RBSN: variants seen among roughly 807,000 people sequenced by gnomAD.
RBSN encodes the protein rabenosyn-5.
A neutral mutation model predicts 60.5 loss-of-function variants in RBSN; 34 were observed. That is an observed-to-expected ratio of 0.56 (90% CI 0.43 to 0.75). RBSN has a LOEUF of 0.75. Among genes scored for constraint, RBSN ranks in the 30% least tolerant of loss-of-function variants. The pLI is 0.00. For missense variants in RBSN, 845 were observed against 986.8 expected (o/e 0.86, Z 1.92); for synonymous variants, 322 against 366.9 (o/e 0.88, Z 1.40).
chr3:15,075,147 A>G (rs2043022623), intron 13 of RBSN: 9 of 613,384 alleles, frequency 1.5e-5, no homozygotes, highest in Non-Finnish European at 2.3e-5. Flanking sequence ...ATAATGAATA[A>G]GTTAGGGCAT....
chr3:15,087,933 C>G (rs1006788525), intron 5 of RBSN, among the ~76,000 whole-genome samples: 1 of 152,110 alleles, frequency 6.6e-6, no homozygotes, highest in African/African-American at 2.4e-5. Context: ...ATGCTATACT[C>G]TTAACCATCC....
At chr3:15,089,456 CAA>C (rs757156425) in intron 5 of RBSN, among the ~76,000 whole-genome samples, 1 of 31,448 alleles carries the variant, frequency 3.2e-5, no homozygotes, top group East Asian at 1.3e-3. Flanking sequence ...ACTCCATCTC[CAA>C]AAAAAAAAAA....
At chr3:15,090,377 A>G (rs1349781123) in intron 5 of RBSN, 22 bp downstream of exon 5, 1 of 1,611,006 alleles carries the variant, frequency 6.2e-7, no homozygotes, top group Non-Finnish European at 8.5e-7. Flanking sequence ...CACTTGCTGA[A>G]TGAATAAATG....
intron 5 of RBSN, 111 bp downstream of exon 5, chr3:15,090,288 C>T: frequency 8.3e-7 from 1 of 1,210,436 alleles, no homozygotes; most frequent in Non-Finnish European, 1.2e-6. Flanking sequence ...CCATGAGAAG[C>T]TTAGACCATT....
chr3:15,084,712 G>T lies in RBSN; in HGVS notation c.598+23C>A. 1 of 1,565,922 alleles carries T rather than the reference G, an allele frequency of 6.4e-7. No individual in the cohort carries two copies. Among genetic ancestry groups the T allele is most frequent in the Non-Finnish European group, 8.6e-7 (1 of 1,157,284 alleles). On this transcript the variant is annotated intron_variant, in intron 8 of 13. Coordinates refer to ENST00000253699, the MANE Select transcript of RBSN (RefSeq NM_022340.4). The surrounding 1 kb of genome is among the most constrained non-coding windows in gnomAD (Gnocchi z 4.2). ...GGCCCAAAAGAAGATGAGGGTCCAGGGCCCCACCTCCAAGTCACCTACTTG... is the reference window on the plus strand; with the variant it reads ...GGCCCAAAAGAAGATGAGGGTCCAGTGCCCCACCTCCAAGTCACCTACTTG...
chr3:15,094,191 T>C (rs931983819), intron 4 of RBSN, among the ~76,000 whole-genome samples: 4 of 152,228 alleles, frequency 2.6e-5, no homozygotes, highest in African/African-American at 7.2e-5. Flanking sequence ...GGTTGAGCAA[T>C]GGCATTGTAT....
intron 8 of RBSN, among the ~76,000 whole-genome samples, chr3:15,083,814 T>G (rs2043268260): frequency 6.6e-6 from 1 of 152,144 alleles, no homozygotes; most frequent in Non-Finnish European, 1.5e-5. Flanking sequence ...AGCCCACTGC[T>G]TATATTCAAG....
chr3:15,073,640 A>T lies in RBSN; in HGVS notation c.*142T>A. The T allele has an allele frequency of 1.2e-6, 1 of 825,198 alleles. No homozygotes were observed. Among genetic ancestry groups the T allele is most frequent in the South Asian group, 1.9e-5 (1 of 53,890 alleles). 51.1% of individuals were successfully genotyped at this position (825,198 alleles called of 1,614,324 possible). ...GGAAATACCTCAAAGTGCGCAACAC[A>T]AAACAGCAGATTCCTGCCCCTCACC... On this transcript the variant is annotated 3_prime_UTR_variant, in exon 14 of 14. Coordinates refer to ENST00000253699, the MANE Select transcript of RBSN (RefSeq NM_022340.4).
At chr3:15,088,373 A>G (rs1246489822) in intron 5 of RBSN, among the ~76,000 whole-genome samples, 1 of 149,236 alleles carries the variant, frequency 6.7e-6, no homozygotes, top group Non-Finnish European at 1.5e-5. Flanking sequence ...ACATATGTAT[A>G]GTATTATTAT....
At chr3:15,086,500 T>C (rs986621224) in intron 5 of RBSN, among the ~76,000 whole-genome samples, 20 of 152,160 alleles carry the variant, frequency 1.3e-4, no homozygotes, top group Non-Finnish European at 2.6e-4. Flanking sequence ...CTTGGACACA[T>C]TACTTAACAT....
chr3:15,095,961 C>T lies in RBSN; in HGVS notation c.148+12G>A. 6.2e-7 allele frequency: 1 copy of T among 1,614,160 alleles called. No individual in the cohort carries two copies. Among genetic ancestry groups the T allele is most frequent in the South Asian group, 1.1e-5 (1 of 91,082 alleles). ...ACGACAGCAGGGGATAGGCAAGGTC[C>T]TCGCCTCTTACTTTTAATTTGCCCT... is the stretch of plus-strand genomic sequence containing the variant. On this transcript the variant is annotated intron_variant, in intron 4 of 13. Transcript: ENST00000253699.
At chr3:15,095,797 A>G (rs2043639608) in intron 4 of RBSN, 176 bp downstream of exon 4, 5 of 764,216 alleles carry the variant, frequency 6.5e-6, no homozygotes, top group Middle Eastern at 2.4e-4. Context: ...TGTGAGGATT[A>G]AATGAAATTA....
intron 1 of RBSN, 62 bp downstream of exon 1, chr3:15,098,972 CG>C (rs1326564442): frequency 6.5e-6 from 1 of 152,750 alleles, no homozygotes; most frequent in Non-Finnish European, 1.5e-5. Context: ...ACGGCCCGCC[CG>C]TCTCCGTTCT....
chr3:15,098,455 T>TAAAAAAAAAAA lies in RBSN; in HGVS notation c.-500-182_-500-181insTTTTTTTTTTT, dbSNP rs1485723784. On this transcript the variant is annotated intron_variant, in intron 1 of 13. Transcript: ENST00000253699. ...CTCGCACTCTAAATCACGTAAAAAG[T>TAAAAAAAAAAA]AAAAAAAATAAAAATAAAAAAAATA... Among the ~76,000 whole-genome samples, 4 of 2,740 alleles carry TAAAAAAAAAAA rather than the reference T, an allele frequency of 1.5e-3. 1 individual carries two copies. The highest frequency in any genetic ancestry group is 4.0e-3 in the Admixed American group (1 of 252). 1.8% of individuals were successfully genotyped at this position (2,740 alleles called of 152,430 possible). A position where few individuals can be genotyped will look rare whatever the true frequency, so the allele number is the denominator to read the frequency against.
At position 15,074,666 on chromosome 3, in the gene RBSN, G is replaced by A. The variant is rs2043006514; in HGVS notation, c.1471C>T (p.Gln491Ter). 1 of 1,614,138 alleles carries A rather than the reference G, an allele frequency of 6.2e-7. No homozygotes were observed. Among genetic ancestry groups the A allele is most frequent in the African/African-American group, 1.3e-5 (1 of 74,950 alleles). ...EVRTLQENLRQLQDEYDQQQT... is the reference protein window; with the variant it reads ...EVRTLQENLR ...TGCTGGTCATACTCGTCCTGCAGCT[G>A]CCGCAGGTTCTCCTGCAGAGTGCGC... The change falls in exon 14 of 14, where the codon CAG becomes TAG. Residue 491 changes from glutamine to a stop codon, truncating the protein, a stop_gained. Transcript: ENST00000253699. LOFTEE classifies it low-confidence loss of function (END_TRUNC). The surrounding 1 kb of genome is among the most constrained non-coding windows in gnomAD (Gnocchi z 6.4).
chr3:15,087,821 A>G (rs2043388527), intron 5 of RBSN, among the ~76,000 whole-genome samples: 1 of 152,126 alleles, frequency 6.6e-6, no homozygotes, highest in African/African-American at 2.4e-5. Flanking sequence ...GGGTCTCACC[A>G]CATTGGCCAA....
intron 5 of RBSN, among the ~76,000 whole-genome samples, chr3:15,088,352 A>T (rs2125175252): frequency 6.6e-6 from 1 of 152,026 alleles, no homozygotes; most frequent in East Asian, 1.9e-4. Context: ...TTTCATATGT[A>T]TCTCATAATT....
intron 4 of RBSN, among the ~76,000 whole-genome samples, chr3:15,092,278 A>T (rs1413495095): frequency 2.7e-5 from 4 of 149,986 alleles, no homozygotes; most frequent in African/African-American, 9.8e-5. Context: ...TTTTTTTTTT[A>T]AGACGGTCAA....
intron 10 of RBSN, 85 bp downstream of exon 10, chr3:15,080,647 T>A: frequency 7.3e-7 from 1 of 1,373,680 alleles, no homozygotes; most frequent in Non-Finnish European, 1.0e-6. Context: ...AAGTTAAGAT[T>A]TTCATTTTTG....
Sources: gnomAD v4.1 joint callset for allele counts (sites outside exome capture counted in the v4.1 genomes callset) on GRCh38, gnomAD v4.1.1 for gene constraint, Gnocchi (gnomAD v3.1) non-coding constraint, MANE v1.5 for transcripts, NCBI Gene and HGNC (gene_info 2026-07-23, HGNC 2026-07-21) for gene names.